Variants in ATOSA observed in about 807,000 individuals in gnomAD.
The protein encoded by ATOSA is atos homolog protein A.
the ATOSA span, among the ~76,000 whole-genome samples, chr15:52,610,710 T>C: frequency 6.6e-6 from 1 of 152,370 alleles, no homozygotes; most frequent in East Asian, 1.9e-4. Flanking sequence ...ATTCAGCTAA[T>C]TCCATTGTGC....
At chr15:52,702,311 A>G in the ATOSA span, among the ~76,000 whole-genome samples, 1 of 152,212 alleles carries the variant, frequency 6.6e-6, no homozygotes, top group Non-Finnish European at 1.5e-5. Context: ...ATGCACTCAC[A>G]TGTTCATCAT....
the ATOSA span, among the ~76,000 whole-genome samples, chr15:52,679,956 G>A: frequency 6.6e-6 from 1 of 151,614 alleles, no homozygotes; most frequent in Non-Finnish European, 1.5e-5. Context: ...CAGGGAGTGG[G>A]AGAATTTAAG....
chr15:52,601,179 G>C, the ATOSA span: 4 of 1,473,210 alleles, frequency 2.7e-6, no homozygotes, highest in Middle Eastern at 1.9e-4. Context: ...AGGTCAAAAC[G>C]ATCATTTGTG....
the ATOSA span, among the ~76,000 whole-genome samples, chr15:52,699,910 C>T: frequency 6.6e-6 from 1 of 152,118 alleles, no homozygotes; most frequent in Admixed American, 6.5e-5. Flanking sequence ...ATTTTCAGCT[C>T]TAAAGTGAGA....
At chr15:52,674,270 G>A in the ATOSA span, among the ~76,000 whole-genome samples, 6 of 151,892 alleles carry the variant, frequency 4.0e-5, no homozygotes, top group East Asian at 1.9e-4. Flanking sequence ...GGGTGGTCTC[G>A]AACTTCTAAG....
At chr15:52,621,684 C>A in the ATOSA span, among the ~76,000 whole-genome samples, 1 of 152,150 alleles carries the variant, frequency 6.6e-6, no homozygotes, top group African/African-American at 2.4e-5. Context: ...CATACACTCT[C>A]TCTTGCTTGC....
chr15:52,621,676 T>C, the ATOSA span, among the ~76,000 whole-genome samples: 1 of 152,134 alleles, frequency 6.6e-6, no homozygotes, highest in South Asian at 2.1e-4. Context: ...TTCCCCTGCA[T>C]ACACTCTCTC....
the ATOSA span, among the ~76,000 whole-genome samples, chr15:52,597,461 G>A: frequency 6.6e-6 from 1 of 152,096 alleles, no homozygotes; most frequent in Non-Finnish European, 1.5e-5. Context: ...TTGATATGCA[G>A]GACAACATGG....
the ATOSA span, among the ~76,000 whole-genome samples, chr15:52,641,444 AG>A: frequency 3.3e-5 from 5 of 152,204 alleles, no homozygotes; most frequent in Admixed American, 3.3e-4. Flanking sequence ...AATGATGGGG[AG>A]GGTAGACCAT....
the ATOSA span, among the ~76,000 whole-genome samples, chr15:52,597,759 C>T: frequency 6.6e-6 from 1 of 152,146 alleles, no homozygotes; most frequent in Non-Finnish European, 1.5e-5. Context: ...TTTGGCTTCC[C>T]TGGGCCACAC....
the ATOSA span, among the ~76,000 whole-genome samples, chr15:52,679,785 CCTCCTCCT>C: frequency 0.017 from 1,778 of 101,870 alleles, 74 homozygotes; most frequent in Middle Eastern, 0.042. Flanking sequence ...TCCTCCTCCT[CCTCCTCCT>C]CCCCCCTCCC....
chr15:52,630,977 G>C, the ATOSA span, among the ~76,000 whole-genome samples: 1 of 152,104 alleles, frequency 6.6e-6, no homozygotes, highest in Non-Finnish European at 1.5e-5. Flanking sequence ...TATTTTAAAA[G>C]AGACAACACA....
the ATOSA span, among the ~76,000 whole-genome samples, chr15:52,644,133 G>A: frequency 0.56 from 84,899 of 151,194 alleles, 27,543 homozygotes; most frequent in Non-Finnish European, 0.73. Context: ...TATGTTGCCA[G>A]GCTGGTTTTG....
At chr15:52,604,641 G>C in the ATOSA span, among the ~76,000 whole-genome samples, 1 of 152,140 alleles carries the variant, frequency 6.6e-6, no homozygotes, top group Admixed American at 6.5e-5. Context: ...GAGACTCCAA[G>C]AGATTGTGTT....
the ATOSA span, among the ~76,000 whole-genome samples, chr15:52,596,845 C>A: frequency 1.9e-4 from 29 of 152,268 alleles, no homozygotes; most frequent in South Asian, 5.8e-3. Context: ...AACTTAAAAT[C>A]TTTTACTCTT....
At chr15:52,622,050 T>C in the ATOSA span, among the ~76,000 whole-genome samples, 2 of 152,152 alleles carry the variant, frequency 1.3e-5, no homozygotes, top group Non-Finnish European at 2.9e-5. Flanking sequence ...TTTCACTATA[T>C]TGGCCAGGGT....
the ATOSA span, among the ~76,000 whole-genome samples, chr15:52,683,806 G>GAAAC: frequency 6.6e-6 from 1 of 152,170 alleles, no homozygotes; most frequent in East Asian, 1.9e-4. Flanking sequence ...TGGTCTCTTA[G>GAAAC]TTTCATTTTC....
At chr15:52,634,498 T>A in the ATOSA span, among the ~76,000 whole-genome samples, 2 of 151,338 alleles carry the variant, frequency 1.3e-5, no homozygotes, top group Admixed American at 6.6e-5. Context: ...TAAATGTGAA[T>A]GGTATAAGCA....
chr15:52,677,996 A>G, the ATOSA span: 1 of 1,613,984 alleles, frequency 6.2e-7, no homozygotes, highest in Non-Finnish European at 8.5e-7. Flanking sequence ...TACTTAAACA[A>G]ATCATTTACC....
Sources: gnomAD v4.1 joint callset for allele counts (sites outside exome capture counted in the v4.1 genomes callset) on GRCh38, gnomAD v4.1.1 for gene constraint, MANE v1.5 for transcripts, NCBI Gene and HGNC (gene_info 2026-07-23, HGNC 2026-07-21) for gene names.